The following STK17B variants were observed in gnomAD, a reference collection of about 807,000 sequenced individuals.
STK17B encodes serine/threonine kinase 17b, also known as serine/threonine-protein kinase 17B.
STK17B carries 21 observed loss-of-function variants against 42.0 expected under a neutral mutation model. The observed-to-expected ratio is 0.50, with a 90% CI of 0.35 to 0.72. The LOEUF is 0.72. STK17B is among the 30% of genes least tolerant of loss of function. The pLI is 0.00. For missense variants in STK17B, 349 were observed against 446.0 expected, an observed-to-expected ratio of 0.78 and a Z score of 1.96; for synonymous variants, 143 against 148.4, an observed-to-expected ratio of 0.96 and a Z score of 0.26.
chr2:196,172,410 A>G (rs1450189580), upstream of STK17B, among the ~76,000 whole-genome samples: 1 of 152,248 alleles, frequency 6.6e-6, no homozygotes, highest in African/African-American at 2.4e-5. Flanking sequence ...ACTCATACAT[A>G]TATGGGATTA....
chr2:196,139,901 G>A (rs538672261), intron 6 of STK17B, 102 bp from the exon 7 acceptor site: 20 of 800,554 alleles, frequency 2.5e-5, no homozygotes, highest in African/African-American at 1.4e-4. Context: ...AAACTGGTAC[G>A]GTTAAACTAC....
At chr2:196,171,753 G>C (rs1018585643), upstream of STK17B, among the ~76,000 whole-genome samples, 3 of 149,562 alleles carry the variant, frequency 2.0e-5, no homozygotes, top group Admixed American at 6.6e-5. Flanking sequence ...GCGGCGCCTG[G>C]CTGGCCCGAG....
At chr2:196,146,289 T>G (rs975537201) in intron 3 of STK17B, among the ~76,000 whole-genome samples, 1 of 152,090 alleles carries the variant, frequency 6.6e-6, no homozygotes, top group African/African-American at 2.4e-5. Context: ...GGCGAATCAC[T>G]GAAGGTTGGG....
chr2:196,144,555 C>CACAAA (rs2105683676), intron 4 of STK17B, among the ~76,000 whole-genome samples: 1 of 134,452 alleles, frequency 7.4e-6, no homozygotes, highest in African/African-American at 2.9e-5. Context: ...TGGGGAACAG[C>CACAAA]ACAAAAGAAG....
chr2:196,171,637 G>A (rs1385990513), upstream of STK17B: 1 of 151,564 alleles, frequency 6.6e-6, no homozygotes, highest in Admixed American at 6.6e-5. Flanking sequence ...CCTAGGTCGG[G>A]AGAGCCAATC....
At chr2:196,164,448 T>C (rs904976130) in intron 1 of STK17B, among the ~76,000 whole-genome samples, 2 of 152,222 alleles carry the variant, frequency 1.3e-5, no homozygotes, top group South Asian at 2.1e-4. Flanking sequence ...GCATTCAGTG[T>C]TATCAAAACT....
chr2:196,145,217 C>T (rs1699553794), intron 4 of STK17B, among the ~76,000 whole-genome samples: 1 of 151,398 alleles, frequency 6.6e-6, no homozygotes, highest in Admixed American at 6.6e-5. Context: ...AGGGAGAGGC[C>T]TGGGCTGTAG....
At position 196,141,450 on chromosome 2, in the gene STK17B, A is replaced by G. The variant is rs373910445; in HGVS notation, c.608-153T>C. On this transcript the variant is annotated intron_variant, in intron 5 of 7. Transcript: ENST00000263955. ...TGAGGCAGGCAGATCACCTGAGATC[A>G]CAGTTCGAGACCAGCCTGGCTAACA... Among the ~76,000 whole-genome samples, 105 of 152,302 alleles carry G rather than the reference A, an allele frequency of 6.9e-4. 1 individual carries two copies. Among genetic ancestry groups the G allele is most frequent in the African/African-American group, 2.5e-3 (102 of 41,570 alleles).
At position 196,156,769 on chromosome 2, in the gene STK17B, G is replaced by A; in HGVS notation, c.123-118C>T. The A allele has an allele frequency of 5.1e-6, 4 of 779,734 alleles. No individual in the cohort carries two copies. The South Asian group carries it at 7.3e-5, about 14-fold the overall frequency. 48.3% of individuals were successfully genotyped at this position (779,734 alleles called of 1,614,324 possible). A position where few individuals can be genotyped will look rare whatever the true frequency, so the allele number is the denominator to read the frequency against. ...ATTCTTTGAAATATCTGTGTCATTAGGAATTTATCTTTGTTCTCTAAATTG... is the reference window on the plus strand; with the variant it reads ...ATTCTTTGAAATATCTGTGTCATTAAGAATTTATCTTTGTTCTCTAAATTG... On this transcript the variant is annotated intron_variant, in intron 2 of 7. Coordinates refer to ENST00000263955, the MANE Select transcript of STK17B (RefSeq NM_004226.4).
At chr2:196,155,194 T>A (rs1197432507) in intron 3 of STK17B, among the ~76,000 whole-genome samples, 16 of 152,236 alleles carry the variant, frequency 1.1e-4, no homozygotes. Flanking sequence ...TGCAAGTAGG[T>A]AACTTTTTAA....
chr2:196,173,417 T>A (rs2105723252), upstream of STK17B, among the ~76,000 whole-genome samples: 1 of 152,332 alleles, frequency 6.6e-6, no homozygotes, highest in Non-Finnish European at 1.5e-5. Context: ...GTGTTTCTTT[T>A]ATGACCCTAA....
At chr2:196,174,413 G>C (rs1029563672), upstream of STK17B, 8 of 152,258 alleles carry the variant, frequency 5.3e-5, no homozygotes, top group African/African-American at 2.4e-5. Flanking sequence ...ACTCCCTGTA[G>C]ATGCAGAAAA....
chr2:196,166,527 C>T (rs561066009), intron 1 of STK17B, among the ~76,000 whole-genome samples: 1 of 152,264 alleles, frequency 6.6e-6, no homozygotes, highest in African/African-American at 2.4e-5. Context: ...AATTTATATG[C>T]ATGTGTATAC....
In STK17B at chr2:196,136,011, A is replaced by G. The variant is rs553344408; in HGVS notation, c.*1436T>C. 1.3e-5 allele frequency: 2 copies of G among 152,218 alleles called. No individual in the cohort carries two copies. The highest frequency in any genetic ancestry group is 3.9e-4 in the East Asian group (2 of 5,182). 9.4% of individuals were successfully genotyped at this position (152,218 alleles called of 1,614,324 possible). Reference sequence around the variant, plus strand: ...CCATGTGGTCAAATAAAGTGACCTGATAGTTATTCAAAAAGTTTTAAGTTA... The same window carrying G: ...CCATGTGGTCAAATAAAGTGACCTGGTAGTTATTCAAAAAGTTTTAAGTTA... On this transcript the variant is annotated 3_prime_UTR_variant, in exon 8 of 8. Transcript: ENST00000263955.
At chr2:196,149,606 G>T (rs575238095) in intron 3 of STK17B, among the ~76,000 whole-genome samples, 1 of 152,202 alleles carries the variant, frequency 6.6e-6, no homozygotes, top group African/African-American at 2.4e-5. Context: ...TCTATTTTTA[G>T]AAACACTATA....
At chr2:196,174,343 AG>A (rs1699979446), upstream of STK17B, 1 of 152,244 alleles carries the variant, frequency 6.6e-6, no homozygotes, top group African/African-American at 2.4e-5. Flanking sequence ...ACATCAAGTC[AG>A]TCACCGCATA....
Position 196,143,699 on chromosome 2 carries a change from C to A in STK17B, c.481-13G>T. On this transcript the variant is annotated splice_polypyrimidine_tract_variant and intron_variant, in intron 4 of 7. Transcript: ENST00000263955. ...ATATATTCTGTGGCTAAACAAAGTA[C>A]AACAAAAACATGATAAGTAATATAC... The A allele has an allele frequency of 1.3e-6, 2 of 1,488,004 alleles. No individual in the cohort carries two copies. Among genetic ancestry groups the A allele is most frequent in the African/African-American group, 1.4e-5 (1 of 70,002 alleles). The allele number at this position is 1,488,004 out of a possible 1,614,324, so 92.2% of individuals were successfully genotyped here.
intron 3 of STK17B, among the ~76,000 whole-genome samples, chr2:196,152,865 A>G (rs1399074157): frequency 6.6e-6 from 1 of 152,238 alleles, no homozygotes; most frequent in Non-Finnish European, 1.5e-5. Context: ...AGCAGAAGGA[A>G]TAGGAATGAG....
intron 3 of STK17B, among the ~76,000 whole-genome samples, chr2:196,151,029 G>C (rs941151076): frequency 1.3e-5 from 2 of 152,170 alleles, no homozygotes; most frequent in South Asian, 2.1e-4. Context: ...GATCATTCCA[G>C]AAGGTAAGGC....
Sources: allele counts gnomAD v4.1 joint callset (sites outside exome capture counted in the v4.1 genomes callset), GRCh38; gene constraint gnomAD v4.1.1; transcripts MANE v1.5; gene names NCBI Gene and HGNC (gene_info 2026-07-23, HGNC 2026-07-21).